ATRNL1: variants seen among roughly 807,000 people sequenced by gnomAD.
The protein encoded by ATRNL1 is attractin-like protein 1.
Under a neutral mutation model 182.7 loss-of-function variants are expected in ATRNL1, and 95 were observed. The ratio of observed to expected loss-of-function variants is 0.52; its 90% confidence interval spans 0.44 to 0.62. The LOEUF (loss-of-function observed/expected upper bound fraction) is 0.62, where lower values mean the gene tolerates loss of function less well. Ranked by LOEUF, ATRNL1 falls within the 20% of genes least tolerant of loss-of-function variation. ATRNL1 has a pLI of 0.00. For synonymous variants in ATRNL1, 576 were observed against 568.3 expected (o/e 1.01, Z -0.19); for missense variants, 1,471 against 1,679.5 (o/e 0.88, Z 2.17).
At chr10:115,570,889 G>T (rs562243119) in intron 26 of ATRNL1, among the ~76,000 whole-genome samples, 1 of 152,148 alleles carries the variant, frequency 6.6e-6, no homozygotes, top group African/African-American at 2.4e-5. Flanking sequence ...AGGACTCCAC[G>T]TGAGCTCTCA....
At chr10:115,559,967 A>G (rs1466222445) in intron 26 of ATRNL1, among the ~76,000 whole-genome samples, 1 of 152,208 alleles carries the variant, frequency 6.6e-6, no homozygotes, top group Non-Finnish European at 1.5e-5. Context: ...TGCAAATAAC[A>G]TGTTTTGTAA....
At chr10:115,143,961 A>C (rs1220567434) in intron 5 of ATRNL1, among the ~76,000 whole-genome samples, 4 of 151,732 alleles carry the variant, frequency 2.6e-5, no homozygotes, top group African/African-American at 7.3e-5. Flanking sequence ...TTCAGTCAAT[A>C]ATATGAGAAT....
At chr10:115,807,386 A>G (rs1265655190) in intron 27 of ATRNL1, among the ~76,000 whole-genome samples, 10 of 152,104 alleles carry the variant, frequency 6.6e-5, no homozygotes, top group Non-Finnish European at 1.3e-4. Flanking sequence ...AAGTGCTGGG[A>G]TTATAGGTGT....
At chr10:115,853,259 C>G (rs1951098624) in intron 28 of ATRNL1, among the ~76,000 whole-genome samples, 1 of 152,084 alleles carries the variant, frequency 6.6e-6, no homozygotes, top group African/African-American at 2.4e-5. Flanking sequence ...TTATTAGTGA[C>G]TAAAAATAAT....
At chr10:115,419,378 T>C (rs1282861218) in intron 20 of ATRNL1, among the ~76,000 whole-genome samples, 3 of 151,954 alleles carry the variant, frequency 2.0e-5, no homozygotes, top group African/African-American at 7.2e-5. Flanking sequence ...GGAAAAAATA[T>C]CTAGACAACT....
At chr10:115,261,160 A>G (rs1481121773) in intron 10 of ATRNL1, among the ~76,000 whole-genome samples, 1 of 152,164 alleles carries the variant, frequency 6.6e-6, no homozygotes, top group Non-Finnish European at 1.5e-5. Flanking sequence ...TACAAAAGCA[A>G]TACGAGAAGC....
At chr10:115,715,432 G>A (rs1014503767) in intron 26 of ATRNL1, among the ~76,000 whole-genome samples, 7 of 152,028 alleles carry the variant, frequency 4.6e-5, no homozygotes, top group African/African-American at 1.7e-4. Flanking sequence ...TTTGATATAC[G>A]ACATGGAGGG....
At chr10:115,396,395 T>C (rs185166960) in intron 20 of ATRNL1, among the ~76,000 whole-genome samples, 277 of 152,114 alleles carry the variant, frequency 1.8e-3, no homozygotes, top group African/African-American at 6.3e-3. Context: ...TGTGAATTTA[T>C]ACAGGTTCCC....
chr10:115,758,273 A>C (rs1948642899), intron 27 of ATRNL1, among the ~76,000 whole-genome samples: 2 of 151,838 alleles, frequency 1.3e-5, no homozygotes, highest in Admixed American at 1.3e-4. Flanking sequence ...GCCTTTTTGC[A>C]CTGGTTTCTC....
intron 26 of ATRNL1, among the ~76,000 whole-genome samples, chr10:115,723,624 C>T (rs1477750840): frequency 6.6e-6 from 1 of 152,046 alleles, no homozygotes; most frequent in Non-Finnish European, 1.5e-5. Context: ...TCTCAGCTCA[C>T]TGCAACCTCC....
chr10:115,856,449 A>AAAAAAAAAAAAATT (rs1565439910), intron 28 of ATRNL1, among the ~76,000 whole-genome samples: 1 of 147,860 alleles, frequency 6.8e-6, no homozygotes, highest in Non-Finnish European at 1.5e-5. Flanking sequence ...AAAAAAAAAA[A>AAAAAAAAAAAAATT]AGCCATACAT....
intron 5 of ATRNL1, among the ~76,000 whole-genome samples, chr10:115,135,538 A>G (rs1203366144): frequency 6.6e-6 from 1 of 152,216 alleles, no homozygotes; most frequent in Non-Finnish European, 1.5e-5. Context: ...ATAAAAGAGG[A>G]TACAAACAAA....
intron 19 of ATRNL1, among the ~76,000 whole-genome samples, chr10:115,351,702 CT>C (rs1396674674): frequency 6.6e-6 from 1 of 150,564 alleles, no homozygotes; most frequent in African/African-American, 2.4e-5. Flanking sequence ...ATTTTTGCAT[CT>C]TGTTCATGAG....
At chr10:115,914,149 A>T (rs1952772792) in intron 28 of ATRNL1, among the ~76,000 whole-genome samples, 1 of 152,112 alleles carries the variant, frequency 6.6e-6, no homozygotes, top group African/African-American at 2.4e-5. Context: ...CCACCATGTG[A>T]AGAAGAACGT....
intron 18 of ATRNL1, among the ~76,000 whole-genome samples, chr10:115,321,557 T>C (rs1554931531): frequency 6.6e-6 from 1 of 152,124 alleles, no homozygotes; most frequent in African/African-American, 2.4e-5. Context: ...ATGGCAAATA[T>C]TGTCCTTTCA....
At chr10:115,146,201 C>T (rs1303981300) in intron 5 of ATRNL1, among the ~76,000 whole-genome samples, 1 of 151,864 alleles carries the variant, frequency 6.6e-6, no homozygotes, top group African/African-American at 2.4e-5. Flanking sequence ...AAACATGTAC[C>T]ACTTCAACAT....
chr10:115,364,643 A>G (rs1856929530), intron 19 of ATRNL1, among the ~76,000 whole-genome samples: 1 of 150,848 alleles, frequency 6.6e-6, no homozygotes, highest in Non-Finnish European at 1.5e-5. Context: ...TCAGTATGAT[A>G]TTGGCTGTGG....
rs782579538 is a variant in ATRNL1 at position 115,315,640 on chromosome 10, A to G, written c.2941A>G (p.Met981Val). The G allele has an allele frequency of 2.6e-5, 42 of 1,613,822 alleles. No individual in the cohort carries two copies. The highest frequency in any genetic ancestry group is 4.0e-5 in the African/African-American group (3 of 74,910). The change falls in exon 18 of 29, where the codon ATG becomes GTG. Residue 981 changes from methionine (M) to valine (V), a missense_variant. Physicochemically the swap from Met to Val is conservative, Grantham distance 21. Around this residue, in one of 3 missense-constraint regions of ATRNL1, gnomAD observed 437 missense variants for 506.0 expected, o/e 0.86. Transcript: ENST00000355044. ...CATTGAAGGTTCTTCACGGGGACCA[A>G]TGAAGCTTATTGGAATGCACCACAG... The part of the protein sequence containing the change: ...HCIEGSSRGP[M>V]KLIGMHHSEM...
At position 115,759,678 on chromosome 10, in the gene ATRNL1, C is replaced by CT. The variant is rs1230731055; in HGVS notation, c.3903+32338dup. On this transcript the variant is annotated intron_variant, in intron 27 of 28. Transcript: ENST00000355044. ...TCACTAAATATTTGAGTAAATAAAA[C>CT]TTTTTTTTTTTTTTTAAGATGGAAT... 4.7e-3 allele frequency among the ~76,000 whole-genome samples: 650 copies of CT among 138,818 alleles called. 1 individual carries two copies. The highest frequency in any genetic ancestry group is 7.5e-3 in the Non-Finnish European group (475 of 63,464). 91.1% of individuals were successfully genotyped at this position (138,818 alleles called of 152,430 possible). A position where few individuals can be genotyped will look rare whatever the true frequency, so the allele number is the denominator to read the frequency against.
Sources: allele counts gnomAD v4.1 joint callset (sites outside exome capture counted in the v4.1 genomes callset), GRCh38; gene constraint gnomAD v4.1.1; regional missense constraint gnomAD v4.1.1; transcripts MANE v1.5; gene names NCBI Gene and HGNC (gene_info 2026-07-23, HGNC 2026-07-21).